TG: variants seen among roughly 807,000 people sequenced by gnomAD.
TG encodes the protein thyroglobulin.
Under a neutral mutation model 324.7 loss-of-function variants are expected in TG, and 270 were observed. The ratio of observed to expected loss-of-function variants is 0.83; its 90% confidence interval spans 0.75 to 0.92. The LOEUF is 0.92. TG is among the 40% of genes least tolerant of loss of function. The pLI is 0.00. For missense variants in TG, 3,591 were observed against 3,456.4 expected (o/e 1.04, Z -0.98); for synonymous variants, 1,401 against 1,327.0 (o/e 1.06, Z -1.21).
chr8:132,879,212 C>T (rs1814291391), intron 5 of TG, among the ~76,000 whole-genome samples: 1 of 152,190 alleles, frequency 6.6e-6, no homozygotes, highest in African/African-American at 2.4e-5. Flanking sequence ...TGTGGGCACA[C>T]AGGAAATTGG....
chr8:133,021,065 T>C (rs1189696651), intron 39 of TG, among the ~76,000 whole-genome samples: 1 of 152,166 alleles, frequency 6.6e-6, no homozygotes, highest in African/African-American at 2.4e-5. Context: ...TATAATAGGG[T>C]CGGCCTACTT....
chr8:133,091,642 C>G (rs1287551460), intron 41 of TG, among the ~76,000 whole-genome samples: 1 of 151,610 alleles, frequency 6.6e-6, no homozygotes, highest in African/African-American at 2.4e-5. Context: ...GTGTGTGTAT[C>G]TTTGAGTATG....
chr8:132,912,365 A>C, intron 19 of TG, among the ~76,000 whole-genome samples: 1 of 152,096 alleles, frequency 6.6e-6, no homozygotes, highest in Non-Finnish European at 1.5e-5. Flanking sequence ...GCTTGTTTCA[A>C]TGGTGAGGCA....
chr8:133,008,380 C>G (rs983885205), intron 35 of TG, among the ~76,000 whole-genome samples: 1 of 151,956 alleles, frequency 6.6e-6, no homozygotes, highest in Non-Finnish European at 1.5e-5. Context: ...AAACACCCAC[C>G]AAAACAAATT....
chr8:133,094,358 A>G (rs1335846302), intron 41 of TG, among the ~76,000 whole-genome samples: 3 of 148,458 alleles, frequency 2.0e-5, no homozygotes, highest in Non-Finnish European at 3.0e-5. Flanking sequence ...CTCCTACCTC[A>G]GCCTCCCAAG....
At chr8:133,106,790 C>T (rs1849840976) in intron 43 of TG, among the ~76,000 whole-genome samples, 1 of 152,182 alleles carries the variant, frequency 6.6e-6, no homozygotes. Context: ...TGTATATTGT[C>T]AGCCTGTCTC....
At chr8:133,071,508 G>A (rs1405018883) in intron 41 of TG, among the ~76,000 whole-genome samples, 1 of 152,210 alleles carries the variant, frequency 6.6e-6, no homozygotes, top group Non-Finnish European at 1.5e-5. Context: ...TATTCAGTAG[G>A]TGGATTGATA....
intron 35 of TG, among the ~76,000 whole-genome samples, chr8:133,001,017 A>C (rs1324269153): frequency 6.6e-6 from 1 of 151,956 alleles, no homozygotes; most frequent in Non-Finnish European, 1.5e-5. Flanking sequence ...TGTAGATGGC[A>C]CCCTCTCCTT....
At chr8:133,099,147 C>T (rs1445020679) in intron 43 of TG, among the ~76,000 whole-genome samples, 2 of 152,242 alleles carry the variant, frequency 1.3e-5, no homozygotes, top group Admixed American at 6.5e-5. Context: ...AAGTTGGGCA[C>T]CCCCAAATAG....
At chr8:132,933,090 T>C (rs1015266184) in intron 23 of TG, among the ~76,000 whole-genome samples, 1 of 147,424 alleles carries the variant, frequency 6.8e-6, no homozygotes, top group African/African-American at 2.5e-5. Context: ...GATGATTCAA[T>C]ACACAGAAAA....
Position 132,888,554 on chromosome 8 carries a change from G to C in TG, c.2747G>C (p.Ser916Thr). Residue 916 changes from serine (S) to threonine (T), a missense_variant, in exon 10 of 48, where the codon AGC (serine) becomes ACC (threonine). By Grantham distance (58) the Ser-to-Thr change is moderately conservative (BLOSUM62 1). Coordinates refer to ENST00000220616, the MANE Select transcript of TG (RefSeq NM_003235.5). ...CTGGAAGGAATGCGGTCTGAGCCAA[G>C]CAAGCTCCCAACATGTGAGCTAACG... is the stretch of plus-strand genomic sequence containing the variant. Reference protein sequence around the residue: ...QELEGMRSEPSKLPTCPGSCE... With the variant: ...QELEGMRSEPTKLPTCPGSCE... The C allele has an allele frequency of 1.2e-6, 2 of 1,611,468 alleles. No homozygotes were observed. The highest frequency in any genetic ancestry group is 1.7e-6 in the Non-Finnish European group (2 of 1,179,472).
At chr8:133,040,137 A>G (rs1358164033) in intron 41 of TG, 1 of 1,578,140 alleles carries the variant, frequency 6.3e-7, no homozygotes, top group East Asian at 2.3e-5. Flanking sequence ...ACCTCTGAGG[A>G]GGGAAGCAGA....
intron 41 of TG, among the ~76,000 whole-genome samples, chr8:133,056,436 A>G (rs1423577645): frequency 6.6e-6 from 1 of 152,192 alleles, no homozygotes; most frequent in African/African-American, 2.4e-5. Flanking sequence ...TCTGGGGGCC[A>G]GGCACATTCT....
intron 35 of TG, chr8:133,003,362 T>C (rs543548456): frequency 2.6e-5 from 4 of 152,214 alleles, no homozygotes; most frequent in African/African-American, 9.6e-5. Flanking sequence ...GGAATCATTG[T>C]GGAATGCTTA....
At chr8:132,936,886 G>A (rs1278211392) in intron 25 of TG, among the ~76,000 whole-genome samples, 1 of 152,156 alleles carries the variant, frequency 6.6e-6, no homozygotes, top group Non-Finnish European at 1.5e-5. Flanking sequence ...GGTGGGGCCC[G>A]CCTGCCTGTG....
chr8:132,922,205 C>T (rs1821203693), intron 21 of TG, among the ~76,000 whole-genome samples: 1 of 152,154 alleles, frequency 6.6e-6, no homozygotes, highest in South Asian at 2.1e-4. Flanking sequence ...GTTATAGCAG[C>T]TTGTGAGAGG....
chr8:133,110,847 A>T (rs552907690), intron 43 of TG, among the ~76,000 whole-genome samples: 1 of 152,200 alleles, frequency 6.6e-6, no homozygotes, highest in Non-Finnish European at 1.5e-5. Context: ...TGCACCTTGC[A>T]CTGAGACTTC....
chr8:133,023,390 G>A (rs181703930), intron 40 of TG, among the ~76,000 whole-genome samples: 15 of 151,890 alleles, frequency 9.9e-5, no homozygotes, highest in Admixed American at 9.2e-4. Context: ...AGAGACTCTG[G>A]GTCCCTCATT....
At chr8:132,900,665 G>A (rs962941326) in intron 15 of TG, among the ~76,000 whole-genome samples, 5 of 152,190 alleles carry the variant, frequency 3.3e-5, no homozygotes, top group Non-Finnish European at 7.3e-5. Context: ...TCTGGTTTCC[G>A]CAGTGAAGCC....
Sources: gnomAD v4.1 joint callset for allele counts (sites outside exome capture counted in the v4.1 genomes callset) on GRCh38, gnomAD v4.1.1 for gene constraint, MANE v1.5 for transcripts, NCBI Gene and HGNC (gene_info 2026-07-23, HGNC 2026-07-21) for gene names.